Variants in KCNQ1OT1 observed in about 807,000 individuals in gnomAD.
The protein encoded by KCNQ1OT1 is KCNQ1 antisense RNA 2 (non-protein coding).
exon 1 of KCNQ1OT1, chr11:2,616,464 G>C: frequency 2.5e-6 from 1 of 396,844 alleles, no homozygotes; most frequent in Non-Finnish European, 4.4e-6. Context: ...TCTTTCTCTG[G>C]TTACGTAAGG....
chr11:2,618,856 C>T (rs1849116213), exon 1 of KCNQ1OT1: 6 of 398,094 alleles, frequency 1.5e-5, no homozygotes, highest in Admixed American at 4.4e-5. Context: ...TAATTTCTTT[C>T]ATCAATGATT....
Position 2,685,966 on chromosome 11 carries a change from G to C in KCNQ1OT1, n.14029C>G, listed in dbSNP as rs995377061. On this transcript the variant is annotated non_coding_transcript_exon_variant, in exon 1 of 1. Transcript: ENST00000597346. ...CCTCCTGCTGGGTCACACGGATGAG[G>C]CCTGTACACTCTGGGCCTCAGACTC... 31 of 398,684 alleles carry C rather than the reference G, an allele frequency of 7.8e-5. 1 individual carries two copies. In the South Asian group the frequency reaches 8.9e-4, roughly 11 times the overall value. The allele number at this position is 398,684 out of a possible 1,614,324, so 24.7% of individuals were successfully genotyped here.
At chr11:2,638,319 T>G (rs1849513081) in exon 1 of KCNQ1OT1, 1 of 152,258 alleles carries the variant, frequency 6.6e-6, no homozygotes. Context: ...GTACCAATTG[T>G]TCCTTTCCAT....
In KCNQ1OT1 at chr11:2,645,312, A is replaced by G. The variant is rs1849649217; in HGVS notation, n.54683T>C. 5.0e-6 allele frequency: 2 copies of G among 398,582 alleles called. No individual in the cohort carries two copies. The highest frequency in any genetic ancestry group is 8.8e-6 in the Non-Finnish European group (2 of 226,172). 24.7% of individuals were successfully genotyped at this position (398,582 alleles called of 1,614,324 possible). A position where few individuals can be genotyped will look rare whatever the true frequency, so the allele number is the denominator to read the frequency against. ...CCCCCAGGAGTGCTCAGGTGCCAAC[A>G]ATACTGGATAGGGCAGGGTGATCCC... On this transcript the variant is annotated non_coding_transcript_exon_variant, in exon 1 of 1. Coordinates refer to ENST00000597346, the Ensembl canonical transcript of KCNQ1OT1. This position sits in a 1 kb window ranked among gnomAD's most constrained non-coding sequence, Gnocchi z 5.8.
chr11:2,616,016 T>C lies in KCNQ1OT1; in HGVS notation n.83979A>G, dbSNP rs980448249. 34 of 398,104 alleles carry C rather than the reference T, an allele frequency of 8.5e-5. No individual in the cohort carries two copies. The East Asian group carries it at 1.2e-3, about 14-fold the overall frequency. The allele number at this position is 398,104 out of a possible 1,614,324, so 24.7% of individuals were successfully genotyped here. A position where few individuals can be genotyped will look rare whatever the true frequency, so the allele number is the denominator to read the frequency against. ...TTTTCTTCATTGGAAGGTTTTTGGT[T>C]ACTGATTCAAACTTTCTACTTGTTA... On this transcript the variant is annotated non_coding_transcript_exon_variant, in exon 1 of 1. Coordinates refer to ENST00000597346, the Ensembl canonical transcript of KCNQ1OT1.
At chr11:2,640,553 T>C in exon 1 of KCNQ1OT1, 1 of 352,440 alleles carries the variant, frequency 2.8e-6, no homozygotes, top group South Asian at 1.7e-4. Flanking sequence ...CCCAAAGCAC[T>C]GGGATTTCCT....
exon 1 of KCNQ1OT1, chr11:2,637,019 A>G (rs1439600706): frequency 6.6e-6 from 1 of 152,016 alleles, no homozygotes; most frequent in Non-Finnish European, 1.5e-5. Context: ...TTTCTGTGGG[A>G]TCGGTGGTGA....
At position 2,623,093 on chromosome 11, in the gene KCNQ1OT1, C is replaced by G. The variant is rs1849201741; in HGVS notation, n.76902G>C. On this transcript the variant is annotated non_coding_transcript_exon_variant, in exon 1 of 1. Transcript: ENST00000597346. This position sits in a 1 kb window ranked among gnomAD's most constrained non-coding sequence, Gnocchi z 5.2. ...TCATGATAGTGAGTTCTCATGAGAT[C>G]TGGTTGTTTAAACGTGTGTGGCACT... 1 of 398,616 alleles carries G rather than the reference C, an allele frequency of 2.5e-6. No individual in the cohort carries two copies. The highest frequency in any genetic ancestry group is 6.3e-4 in the Middle Eastern group (1 of 1,586). The allele number at this position is 398,616 out of a possible 1,614,324, so 24.7% of individuals were successfully genotyped here.
Position 2,651,150 on chromosome 11 carries a change from T to C in KCNQ1OT1, n.48845A>G, listed in dbSNP as rs1166143437. 2.5e-6 allele frequency: 1 copy of C among 398,614 alleles called. No homozygotes were observed. 24.7% of individuals were successfully genotyped at this position (398,614 alleles called of 1,614,324 possible). A position where few individuals can be genotyped will look rare whatever the true frequency, so the allele number is the denominator to read the frequency against. On this transcript the variant is annotated non_coding_transcript_exon_variant, in exon 1 of 1. Coordinates refer to ENST00000597346, the Ensembl canonical transcript of KCNQ1OT1. This position sits in a 1 kb window ranked among gnomAD's most constrained non-coding sequence, Gnocchi z 6.1. ...TAACAGCTCAAGGGAGTTCTTTAAATGTACAGTGGATCTTGCTGCTTCCCT... is the reference window on the plus strand; with the variant it reads ...TAACAGCTCAAGGGAGTTCTTTAAACGTACAGTGGATCTTGCTGCTTCCCT...
exon 1 of KCNQ1OT1, chr11:2,666,983 G>A: frequency 5.0e-6 from 2 of 398,718 alleles, no homozygotes; most frequent in Non-Finnish European, 4.4e-6. Flanking sequence ...CCGCCCGGGA[G>A]GGCTGTACAG....
exon 1 of KCNQ1OT1, chr11:2,692,870 C>A (rs955958040): frequency 1.8e-5 from 7 of 398,588 alleles, no homozygotes; most frequent in African/African-American, 4.1e-5. Flanking sequence ...TGGGAAGGCA[C>A]TGTGCTGTGT....
exon 1 of KCNQ1OT1, chr11:2,693,694 C>T (rs1213409471): frequency 5.0e-6 from 2 of 398,588 alleles, no homozygotes; most frequent in Non-Finnish European, 8.8e-6. Flanking sequence ...TGGGTGCGCT[C>T]CAGCCTCATG....
At position 2,676,297 on chromosome 11, in the gene KCNQ1OT1, C is replaced by T. The variant is rs578069469; in HGVS notation, n.23698G>A. On this transcript the variant is annotated non_coding_transcript_exon_variant, in exon 1 of 1. Coordinates refer to ENST00000597346, the Ensembl canonical transcript of KCNQ1OT1. This position sits in a 1 kb window ranked among gnomAD's most constrained non-coding sequence, Gnocchi z 4.2. ...GTGTGTTTACATGTATACAGACACA[C>T]GTGTGAACAGGTGATGGCTCTGAAC... 72 of 398,498 alleles carry T rather than the reference C, an allele frequency of 1.8e-4. 1 individual carries two copies. Among genetic ancestry groups the T allele is most frequent in the Non-Finnish European group, 2.3e-4 (52 of 226,076 alleles). 24.7% of individuals were successfully genotyped at this position (398,498 alleles called of 1,614,324 possible). A position where few individuals can be genotyped will look rare whatever the true frequency, so the allele number is the denominator to read the frequency against.
Position 2,677,534 on chromosome 11 carries a change from A to G in KCNQ1OT1, n.22461T>C. 1 of 398,620 alleles carries G rather than the reference A, an allele frequency of 2.5e-6. No homozygotes were observed. Among genetic ancestry groups the G allele is most frequent in the Non-Finnish European group, 4.4e-6 (1 of 226,062 alleles). The allele number at this position is 398,620 out of a possible 1,614,324, so 24.7% of individuals were successfully genotyped here. On this transcript the variant is annotated non_coding_transcript_exon_variant, in exon 1 of 1. Coordinates refer to ENST00000597346, the Ensembl canonical transcript of KCNQ1OT1. The surrounding 1 kb of genome is among the most constrained non-coding windows in gnomAD (Gnocchi z 4.5). ...GAAGTGCTGCCAACATCCTCTGCCA[A>G]GTATAAAAGATGCCCTCAGATGTTA...
exon 1 of KCNQ1OT1, chr11:2,662,803 G>A (rs1307212239): frequency 3.0e-5 from 12 of 398,882 alleles, no homozygotes; most frequent in Non-Finnish European, 4.9e-5. Flanking sequence ...GTCAAGATCT[G>A]TGAGTGACAC....
chr11:2,659,420 G>A lies in KCNQ1OT1; in HGVS notation n.40575C>T, dbSNP rs1290480557. 3 of 398,420 alleles carry A rather than the reference G, an allele frequency of 7.5e-6. No individual in the cohort carries two copies. The highest frequency in any genetic ancestry group is 6.2e-5 in the African/African-American group (3 of 48,622). The allele number at this position is 398,420 out of a possible 1,614,324, so 24.7% of individuals were successfully genotyped here. A position where few individuals can be genotyped will look rare whatever the true frequency, so the allele number is the denominator to read the frequency against. On this transcript the variant is annotated non_coding_transcript_exon_variant, in exon 1 of 1. Transcript: ENST00000597346. The surrounding 1 kb of genome is among the most constrained non-coding windows in gnomAD (Gnocchi z 4.3). ...AATGCATTTGAGATTCATCCATGTT[G>A]TTGCATAAATCATTAGTTAATTTCT...
chr11:2,697,465 T>C, exon 1 of KCNQ1OT1: 1 of 398,604 alleles, frequency 2.5e-6, no homozygotes, highest in South Asian at 1.3e-4. Flanking sequence ...TTTTAATTTC[T>C]CTATCAAGTT....
chr11:2,667,998 A>T, exon 1 of KCNQ1OT1: 1 of 398,638 alleles, frequency 2.5e-6, no homozygotes, highest in East Asian at 3.6e-5. Flanking sequence ...TGACCTTGAG[A>T]TTAACCACAG....
chr11:2,627,943 G>A lies in KCNQ1OT1; in HGVS notation n.72052C>T, dbSNP rs1849287692. On this transcript the variant is annotated non_coding_transcript_exon_variant, in exon 1 of 1. Coordinates refer to ENST00000597346, the Ensembl canonical transcript of KCNQ1OT1. The surrounding 1 kb of genome is among the most constrained non-coding windows in gnomAD (Gnocchi z 4.9). ...TTTTTAAAATTTTATGTAGAGATAG[G>A]GTATCACTATGTTTCCTAGGCTGGT... 6 of 398,364 alleles carry A rather than the reference G, an allele frequency of 1.5e-5. No individual in the cohort carries two copies. Among genetic ancestry groups the A allele is most frequent in the Non-Finnish European group, 2.7e-5 (6 of 226,046 alleles). 24.7% of individuals were successfully genotyped at this position (398,364 alleles called of 1,614,324 possible).
Sources: allele counts gnomAD v4.1 joint callset, GRCh38; gene constraint gnomAD v4.1.1; non-coding constraint Gnocchi (gnomAD v3.1); transcripts MANE v1.5; gene names NCBI Gene and HGNC (gene_info 2026-07-23, HGNC 2026-07-21).